Variants in COL4A3 observed in about 807,000 individuals in gnomAD.
COL4A3 encodes the protein collagen alpha-3(IV) chain.
Under a neutral mutation model 217.4 loss-of-function variants are expected in COL4A3, and 135 were observed. The ratio of observed to expected loss-of-function variants is 0.62; its 90% confidence interval spans 0.54 to 0.72. The LOEUF is 0.72. Ranked by LOEUF, COL4A3 falls within the 30% of genes least tolerant of loss-of-function variation. The pLI is 0.00. For synonymous variants in COL4A3, 690 were observed against 736.3 expected (o/e 0.94, Z 1.02); for missense variants, 1,868 against 2,119.9 (o/e 0.88, Z 2.33).
Position 227,314,137 on chromosome 2 carries a change from T to C in COL4A3, c.*2267T>C, listed in dbSNP as rs2073829169. 1 of 152,668 alleles carries C rather than the reference T, an allele frequency of 6.6e-6. No homozygotes were observed. Among genetic ancestry groups the C allele is most frequent in the African/African-American group, 2.4e-5 (1 of 41,470 alleles). The allele number at this position is 152,668 out of a possible 1,614,324, so 9.5% of individuals were successfully genotyped here. On this transcript the variant is annotated 3_prime_UTR_variant, in exon 52 of 52. Transcript: ENST00000396578. ...AAACTCACAGGTGACTCTAAGGTTA[T>C]CTACTTTTACTCATAAGTAAAAGCC...
At chr2:227,186,156 C>G (rs76459577) in intron 1 of COL4A3, among the ~76,000 whole-genome samples, 1 of 152,150 alleles carries the variant, frequency 6.6e-6, no homozygotes, top group Non-Finnish European at 1.5e-5. Context: ...GTTTGGAGAA[C>G]GGGAGATTAT....
rs1047071710 is a variant in COL4A3 at position 227,253,429 on chromosome 2, A to G, written c.687+92A>G. 6 of 1,464,762 alleles carry G rather than the reference A, an allele frequency of 4.1e-6. No homozygotes were observed. The African/African-American group carries it at 5.6e-5, about 14-fold the overall frequency. 90.7% of individuals were successfully genotyped at this position (1,464,762 alleles called of 1,614,324 possible). On this transcript the variant is annotated intron_variant, in intron 12 of 51. Transcript: ENST00000396578. The surrounding 1 kb of genome is among the most constrained non-coding windows in gnomAD (Gnocchi z 4.4). ...CCGTTTACTTACGGGCCAAGCTGAA[A>G]TTGATGGGCCTTCATTTGTTCTATC... is the stretch of plus-strand genomic sequence containing the variant.
At chr2:227,238,233 T>A (rs987253936) in intron 2 of COL4A3, 5 of 432,140 alleles carry the variant, frequency 1.2e-5, no homozygotes, top group Non-Finnish European at 2.1e-5. Context: ...GTATATACAA[T>A]GGCAATTAAA....
Position 227,250,385 on chromosome 2 carries a change from T to TAA in COL4A3, c.547-754_547-753insAA, listed in dbSNP as rs1209865114. Among the ~76,000 whole-genome samples, 1 of 146,948 alleles carries TAA rather than the reference T, an allele frequency of 6.8e-6. No individual in the cohort carries two copies. The highest frequency in any genetic ancestry group is 2.5e-5 in the African/African-American group (1 of 40,244). On this transcript the variant is annotated intron_variant, in intron 9 of 51. Transcript: ENST00000396578. The surrounding 1 kb of genome is among the most constrained non-coding windows in gnomAD (Gnocchi z 4.1). ...ATAGATAGATAGATAGATAGATAGA[T>TAA]ATTTAAAAATTGTATGAACCAGGCA...
At position 227,297,769 on chromosome 2, in the gene COL4A3, G is replaced by A. The variant is rs957295374; in HGVS notation, c.3661G>A (p.Glu1221Lys). 1 of 1,594,936 alleles carries A rather than the reference G, an allele frequency of 6.3e-7. No homozygotes were observed. Among genetic ancestry groups the A allele is most frequent in the African/African-American group, 1.3e-5 (1 of 74,752 alleles). Residue 1221 changes from glutamate (E) to lysine (K), a missense_variant, in exon 42 of 52, where the codon GAA becomes AAA. By Grantham distance (56) the Glu-to-Lys change is moderately conservative. Transcript: ENST00000396578. Reference sequence around the variant, plus strand: ...TGGACCTCGAGGACCCACAGGCATAGAAGGATTCCCAGGGCCACCAGGTCT... The same window carrying A: ...TGGACCTCGAGGACCCACAGGCATAAAAGGATTCCCAGGGCCACCAGGTCT... ...DAGPRGPTGI[E>K]GFPGPPGLPG...
intron 1 of COL4A3, among the ~76,000 whole-genome samples, chr2:227,181,109 A>T (rs1297015458): frequency 6.6e-6 from 1 of 152,170 alleles, no homozygotes; most frequent in African/African-American, 2.4e-5. Flanking sequence ...CAGGTACCTC[A>T]ATGAAAATAC....
intron 18 of COL4A3, 30 bp from the exon 19 acceptor site, chr2:227,259,763 T>G (rs1047153619): frequency 6.8e-7 from 1 of 1,478,124 alleles, no homozygotes; most frequent in African/African-American, 1.4e-5. Flanking sequence ...TAGCTATCCT[T>G]TCTCTGTATT....
rs1200020854 is a variant in COL4A3 at position 227,282,288 on chromosome 2, A to ATATATATG, written c.2489-70_2489-69insGTATATAT. 41 of 642,984 alleles carry ATATATATG rather than the reference A, an allele frequency of 6.4e-5. No homozygotes were observed. In the African/African-American group the frequency reaches 7.6e-4, roughly 12 times the overall value. The allele number at this position is 642,984 out of a possible 1,614,324, so 39.8% of individuals were successfully genotyped here. Reference sequence around the variant, plus strand: ...TTCCATCTTAAAAATATATATATATATATATATATATATTTCTGAAGTTAG... The same window carrying ATATATATG: ...TTCCATCTTAAAAATATATATATATATATATATGTATATATATATATTTCTGAAGTTAG... On this transcript the variant is annotated intron_variant, in intron 31 of 51. Transcript: ENST00000396578. The surrounding 1 kb of genome is among the most constrained non-coding windows in gnomAD (Gnocchi z 4.4).
chr2:227,260,226 T>C (rs2125958498), intron 19 of COL4A3, among the ~76,000 whole-genome samples: 1 of 152,300 alleles, frequency 6.6e-6, no homozygotes, highest in East Asian at 1.9e-4. Context: ...CACAGAGATG[T>C]GCAAGGGGGA....
At chr2:227,246,993 G>C (rs1161566108) in intron 7 of COL4A3, among the ~76,000 whole-genome samples, 2 of 152,218 alleles carry the variant, frequency 1.3e-5, no homozygotes, top group Non-Finnish European at 2.9e-5. Flanking sequence ...TCAGAGAAGA[G>C]GTTCCAGCTG....
chr2:227,297,506 G>C lies in COL4A3; in HGVS notation c.3566-168G>C, dbSNP rs565995530. On this transcript the variant is annotated intron_variant, in intron 41 of 51. Coordinates refer to ENST00000396578, the MANE Select transcript of COL4A3 (RefSeq NM_000091.5). ...ACTGAGTCTCAACTCAGTTTTTGTA[G>C]CTCTATATTGCATTTACCAGCAATA... 2.0e-5 allele frequency among the ~76,000 whole-genome samples: 3 copies of C among 152,240 alleles called. No individual in the cohort carries two copies. In the South Asian group the frequency reaches 6.2e-4, roughly 32 times the overall value.
intron 23 of COL4A3, among the ~76,000 whole-genome samples, chr2:227,269,394 A>C (rs1011894452): frequency 2.6e-5 from 4 of 152,228 alleles, no homozygotes. Context: ...TAGCTAAATA[A>C]ATGATGGCTC....
Position 227,288,725 on chromosome 2 carries a change from C to T in COL4A3, c.2882-425C>T, listed in dbSNP as rs1439466260. ...TAAAGAGTACATATTAAGATCATTG[C>T]TAGTGTTCATTGAGGAATAACTTAT... On this transcript the variant is annotated intron_variant, in intron 34 of 51. Transcript: ENST00000396578. 3.9e-5 allele frequency among the ~76,000 whole-genome samples: 6 copies of T among 152,224 alleles called. No homozygotes were observed. In the East Asian group the frequency reaches 9.6e-4, roughly 24 times the overall value.
chr2:227,226,360 T>C (rs2068090587), intron 1 of COL4A3, among the ~76,000 whole-genome samples: 1 of 151,818 alleles, frequency 6.6e-6, no homozygotes, highest in South Asian at 2.1e-4. Flanking sequence ...CACATGGGGG[T>C]AGGCGGACAG....
chr2:227,240,618 ACATTCCAACTTTTC>A (rs138562156), intron 3 of COL4A3, among the ~76,000 whole-genome samples: 2,088 of 152,216 alleles, frequency 0.014, 45 homozygotes, highest in African/African-American at 0.048. Flanking sequence ...CTCTCTCCGG[ACATTCCAACTTTTC>A]TTTTGTTATT....
chr2:227,284,777 ACTT>A (rs1049886420), intron 34 of COL4A3, among the ~76,000 whole-genome samples: 2 of 152,200 alleles, frequency 1.3e-5, no homozygotes, highest in Non-Finnish European at 2.9e-5. Context: ...CTATCTAAAA[ACTT>A]CTTCTCCTGT....
chr2:227,274,990 A>T (rs2071470892), intron 26 of COL4A3, among the ~76,000 whole-genome samples: 2 of 152,252 alleles, frequency 1.3e-5, no homozygotes, highest in Admixed American at 1.3e-4. Context: ...GAGTATCCAT[A>T]AATAAAGTTT....
rs1381562188 is a variant in COL4A3, at chr2:227,252,081, A to C, written c.645+710A>C. 2.1e-5 allele frequency among the ~76,000 whole-genome samples: 3 copies of C among 145,344 alleles called. 1 individual carries two copies. The highest frequency in any genetic ancestry group is 4.2e-4 in the South Asian group (2 of 4,798). On this transcript the variant is annotated intron_variant, in intron 11 of 51. Coordinates refer to ENST00000396578, the MANE Select transcript of COL4A3 (RefSeq NM_000091.5). The stretch of plus-strand genomic sequence containing the variant: ...GAGGCACCATCTCAAAAAAAAAAAA[A>C]AAAAAAAAAACAGAAGTGCAATTGT...
intron 1 of COL4A3, among the ~76,000 whole-genome samples, chr2:227,200,072 A>G (rs904280385): frequency 6.6e-6 from 1 of 152,242 alleles, no homozygotes; most frequent in Non-Finnish European, 1.5e-5. Flanking sequence ...ACTGAAGACC[A>G]GAAAGACTGA....
Sources: allele counts gnomAD v4.1 joint callset (sites outside exome capture counted in the v4.1 genomes callset), GRCh38; gene constraint gnomAD v4.1.1; non-coding constraint Gnocchi (gnomAD v3.1); transcripts MANE v1.5; gene names NCBI Gene and HGNC (gene_info 2026-07-23, HGNC 2026-07-21).